The following CSPG4 variants were observed in gnomAD, a reference collection of about 807,000 sequenced individuals.
CSPG4 encodes the protein chondroitin sulfate proteoglycan 4 (melanoma-associated).
In CSPG4, 74 loss-of-function variants were observed where a neutral mutation model predicts 139.3. The observed-to-expected ratio is 0.53, with a 90% CI of 0.44 to 0.64. The LOEUF (loss-of-function observed/expected upper bound fraction) is 0.64, where lower values mean the gene tolerates loss of function less well. Among genes scored for constraint, CSPG4 ranks in the 30% least tolerant of loss-of-function variants. The probability of loss-of-function intolerance (pLI) is 0.00; values close to 1 mark genes in which losing one functional copy is unlikely to be tolerated. For synonymous variants in CSPG4, 1,234 were observed against 1,394.2 expected, an observed-to-expected ratio of 0.89 and a Z score of 2.56; for missense variants, 2,565 against 3,148.3, an observed-to-expected ratio of 0.81 and a Z score of 4.43.
rs372099905 is a variant in CSPG4, at chr15:75,696,434, G to A, written c.89-3201C>T. 9.9e-4 allele frequency among the ~76,000 whole-genome samples: 151 copies of A among 152,258 alleles called. 1 individual carries two copies. Among genetic ancestry groups the A allele is most frequent in the African/African-American group, 3.6e-3 (148 of 41,552 alleles). On this transcript the variant is annotated intron_variant, in intron 1 of 9. Coordinates refer to ENST00000308508, the MANE Select transcript of CSPG4 (RefSeq NM_001897.5). The surrounding 1 kb of genome is among the most constrained non-coding windows in gnomAD (Gnocchi z 4.2). ...TCCAGGGCTGTATATTAATAGATGT[G>A]TATTTGTGTGTGCGCAAGCATGTGG...
intron 3 of CSPG4, among the ~76,000 whole-genome samples, 184 bp from the exon 4 acceptor site, chr15:75,685,885 T>A (rs1249810163): frequency 2.0e-5 from 3 of 152,170 alleles, no homozygotes; most frequent in Non-Finnish European, 2.9e-5. Context: ...GACATGCAGC[T>A]GGTCACATTT....
Position 75,677,019 on chromosome 15 carries a change from G to T in CSPG4, c.5500C>A (p.Gln1834Lys). The T allele has an allele frequency of 6.9e-7, 1 of 1,439,678 alleles. No homozygotes were observed. The highest frequency in any genetic ancestry group is 9.2e-7 in the Non-Finnish European group (1 of 1,090,020). 89.2% of individuals were successfully genotyped at this position (1,439,678 alleles called of 1,614,324 possible). The change falls in exon 10 of 10, where the codon CAG (glutamine) becomes AAG (lysine). Residue 1834 changes from glutamine to lysine, a missense_variant. Coordinates refer to ENST00000308508, the MANE Select transcript of CSPG4 (RefSeq NM_001897.5). ...CGGAGTGGGACAGAGGCCTGTGGCT[G>T]AGGGGGCCGCTCATTTACATCCCTC... Reference protein sequence around the residue: ...TVRDVNERPPQPQASVPLRLT... With the variant: ...TVRDVNERPPKPQASVPLRLT...
At position 75,677,097 on chromosome 15, in the gene CSPG4, C is replaced by T; in HGVS notation, c.5422G>A (p.Ala1808Thr). The change falls in exon 10 of 10, where the codon GCA becomes ACA. Residue 1808 changes from alanine (A) to threonine (T), a missense_variant. Physicochemically the swap from Ala to Thr is moderately conservative, Grantham distance 58. This residue lies in a region of CSPG4 where 2,316 missense variants were observed against 2,818.2 expected (regional missense o/e 0.82). Transcript: ENST00000308508. Reference sequence around the variant, plus strand: ...TGGGGTCCAGCCACGGAGGCCCCTGCTGGCCCCTGGAGGTGGGCACGAAAG... The same window carrying T: ...TGGGGTCCAGCCACGGAGGCCCCTGTTGGCCCCTGGAGGTGGGCACGAAAG... ...FHFRAHLQGPAGASVAGPQTS... is the reference protein window; with the variant it reads ...FHFRAHLQGPTGASVAGPQTS... The T allele has an allele frequency of 7.1e-7, 1 of 1,416,914 alleles. No homozygotes were observed. The highest frequency in any genetic ancestry group is 9.2e-7 in the Non-Finnish European group (1 of 1,081,236). 87.8% of individuals were successfully genotyped at this position (1,416,914 alleles called of 1,614,324 possible).
intron 8 of CSPG4, among the ~76,000 whole-genome samples, chr15:75,681,808 T>A (rs1893977498): frequency 6.6e-6 from 1 of 152,166 alleles, no homozygotes; most frequent in Non-Finnish European, 1.5e-5. Flanking sequence ...TCAGCTGCCT[T>A]TCATCAGCTC....
At chr15:75,678,379 G>A in intron 8 of CSPG4, 2 of 243,132 alleles carry the variant, frequency 8.2e-6, no homozygotes, top group Non-Finnish European at 1.6e-5. Flanking sequence ...TTGAGACAGG[G>A]TCTTGCTCTG....
chr15:75,685,438 C>T lies in CSPG4; in HGVS notation c.4053G>A (p.Leu1351=). 1 of 1,612,440 alleles carries T rather than the reference C, an allele frequency of 6.2e-7. No homozygotes were observed. Among genetic ancestry groups the T allele is most frequent in the Non-Finnish European group, 8.5e-7 (1 of 1,179,958 alleles). The stretch of plus-strand genomic sequence containing the variant: ...GTGGGATGGCAGCGGGCAGCACCTC[C>T]AGCTCCACAAGGACGCCCTCGAGGG... ...GAPLEGVLVE[L]EVLPAAIPLE... is the part of the protein sequence containing the mutation. Residue 1351 remains leucine (L), a synonymous_variant, in exon 4 of 10, where the codon CTG becomes CTA. Coordinates refer to ENST00000308508, the MANE Select transcript of CSPG4 (RefSeq NM_001897.5).
Position 75,688,438 on chromosome 15 carries a change from C to T in CSPG4, c.2627G>A (p.Arg876His), listed in dbSNP as rs376904927. 4.1e-5 allele frequency: 66 copies of T among 1,613,158 alleles called. No homozygotes were observed. The Middle Eastern group carries it at 9.9e-4, about 24-fold the overall frequency. ...SEAVEDTFRF[R>H]VTAPPYFSPL... ...GGAGAAATATGGTGGAGCTGTGACA[C>T]GGAAACGGAAGGTGTCCTCGACTGC... The change falls in exon 3 of 10, where the codon CGT (arginine) becomes CAT (histidine). Residue 876 changes from arginine (R) to histidine (H), a missense_variant. Physicochemically the swap from Arg to His is conservative, Grantham distance 29. Transcript: ENST00000308508.
At position 75,685,621 on chromosome 15, in the gene CSPG4, C is replaced by T. The variant is rs751292401; in HGVS notation, c.3870G>A (p.Val1290=). Reference sequence around the variant, plus strand: ...GCTCATCTGCCAAGGCGCCACGCGACACCATCACCAGGTAGCCGGCACTCG... The same window carrying T: ...GCTCATCTGCCAAGGCGCCACGCGATACCATCACCAGGTAGCCGGCACTCG... The part of the protein sequence containing the change: ...SPPSAGYLVM[V]SRGALADEPP... Residue 1290 remains valine, a synonymous_variant, in exon 4 of 10, where the codon GTG becomes GTA. Coordinates refer to ENST00000308508, the MANE Select transcript of CSPG4 (RefSeq NM_001897.5). The T allele has an allele frequency of 3.2e-5, 52 of 1,610,206 alleles. No individual in the cohort carries two copies. The highest frequency in any genetic ancestry group is 4.2e-5 in the Non-Finnish European group (50 of 1,179,662).
At chr15:75,710,483 GC>G in intron 1 of CSPG4, among the ~76,000 whole-genome samples, 1 of 152,220 alleles carries the variant, frequency 6.6e-6, no homozygotes, top group South Asian at 2.1e-4. Flanking sequence ...AGGGCTGGGG[GC>G]TCTTCCTGGG....
At chr15:75,677,439 AC>A in intron 9 of CSPG4, 55 bp from the exon 10 acceptor site, 1 of 1,396,152 alleles carries the variant, frequency 7.2e-7, no homozygotes, top group Non-Finnish European at 9.3e-7. Context: ...AGAGTGATGG[AC>A]CCTCAGCTGG....
Position 75,688,349 on chromosome 15 carries a change from G to A in CSPG4, c.2716C>T (p.Leu906Phe), listed in dbSNP as rs768352707. ...DPDAPVLTNV[L>F]LVVPEGGEGV... Reference sequence around the variant, plus strand: ...TCACCACCCTCAGGCACCACGAGGAGGACATTGGTGAGGACAGGCGCATCT... The same window carrying A: ...TCACCACCCTCAGGCACCACGAGGAAGACATTGGTGAGGACAGGCGCATCT... The change falls in exon 3 of 10, where the codon CTC (leucine) becomes TTC (phenylalanine). Residue 906 changes from leucine (L) to phenylalanine (F), a missense_variant. Around this residue, in one of 5 missense-constraint regions of CSPG4, gnomAD observed 2,316 missense variants for 2,818.2 expected, o/e 0.82. Coordinates refer to ENST00000308508, the MANE Select transcript of CSPG4 (RefSeq NM_001897.5). 5.0e-6 allele frequency: 8 copies of A among 1,613,342 alleles called. No homozygotes were observed. The highest frequency in any genetic ancestry group is 6.8e-6 in the Non-Finnish European group (8 of 1,180,044).
chr15:75,686,095 GC>G (rs1164455759), intron 3 of CSPG4, among the ~76,000 whole-genome samples: 1 of 152,104 alleles, frequency 6.6e-6, no homozygotes, highest in Non-Finnish European at 1.5e-5. Flanking sequence ...TCACTGGGTT[GC>G]CCCGGCTGCT....
Position 75,687,435 on chromosome 15 carries a change from G to T in CSPG4, c.3630C>A (p.Thr1210=), listed in dbSNP as rs1894076428. 1.9e-6 allele frequency: 3 copies of T among 1,612,668 alleles called. No homozygotes were observed. Among genetic ancestry groups the T allele is most frequent in the Non-Finnish European group, 2.5e-6 (3 of 1,179,792 alleles). The change falls in exon 3 of 10, where the codon ACC becomes ACA. Residue 1210 remains threonine, a synonymous_variant. Transcript: ENST00000308508. The surrounding 1 kb of genome is among the most constrained non-coding windows in gnomAD (Gnocchi z 5.4). ...SHNGSLSPRD[T]MAFSVEAGPV... ...GCCCTGCTTCCACGGAGAAGGCCAT[G>T]GTGTCGCGGGGGCTGAGGCTGCCAT...
chr15:75,695,982 G>T (rs1327014125), intron 1 of CSPG4, among the ~76,000 whole-genome samples: 1 of 152,294 alleles, frequency 6.6e-6, no homozygotes, highest in Non-Finnish European at 1.5e-5. Context: ...GGGGCGGGGG[G>T]ATGGAGGAGG....
intron 1 of CSPG4, among the ~76,000 whole-genome samples, chr15:75,705,592 C>T (rs1261015029): frequency 6.6e-6 from 1 of 152,190 alleles, no homozygotes; most frequent in Non-Finnish European, 1.5e-5. Flanking sequence ...AGTCACTTGC[C>T]CAAGGTCATG....
At chr15:75,712,561 G>A in intron 1 of CSPG4, 107 bp downstream of exon 1, 1 of 1,100,396 alleles carries the variant, frequency 9.1e-7, no homozygotes, top group Non-Finnish European at 1.3e-6. Flanking sequence ...CAGCCTGCTT[G>A]ACTCCCGATC....
chr15:75,704,825 C>T (rs902362966), intron 1 of CSPG4, among the ~76,000 whole-genome samples: 6 of 152,190 alleles, frequency 3.9e-5, no homozygotes, highest in African/African-American at 1.2e-4. Flanking sequence ...TTCTGCTCCT[C>T]GTGATGCAGC....
At chr15:75,684,081 T>C (rs1387603305) in intron 5 of CSPG4, among the ~76,000 whole-genome samples, 2 of 115,212 alleles carry the variant, frequency 1.7e-5, no homozygotes, top group Non-Finnish European at 3.3e-5. Flanking sequence ...AAGTCAGCCC[T>C]TTATGGAAAC....
Position 75,690,288 on chromosome 15 carries a change from G to A in CSPG4, c.777C>T (p.His259=). 1.2e-6 allele frequency: 2 copies of A among 1,613,168 alleles called. No homozygotes were observed. Among genetic ancestry groups the A allele is most frequent in the South Asian group, 1.1e-5 (1 of 91,080 alleles). The change falls in exon 3 of 10, where the codon CAC becomes CAT. Residue 259 remains histidine, a synonymous_variant. Transcript: ENST00000308508. ...DFIYVDIFEG[H]LRAVVEKGQG... ...GGCCCTTCTCCACCACGGCCCGCAGGTGGCCCTCAAATATGTCCACATAGA... is the reference window on the plus strand; with the variant it reads ...GGCCCTTCTCCACCACGGCCCGCAGATGGCCCTCAAATATGTCCACATAGA...
Sources: allele counts gnomAD v4.1 joint callset (sites outside exome capture counted in the v4.1 genomes callset), GRCh38; gene constraint gnomAD v4.1.1; regional missense constraint gnomAD v4.1.1; non-coding constraint Gnocchi (gnomAD v3.1); transcripts MANE v1.5; gene names NCBI Gene and HGNC (gene_info 2026-07-23, HGNC 2026-07-21).